DOCK11: variants seen among roughly 807,000 people sequenced by gnomAD.
The protein encoded by DOCK11 is dedicator of cytokinesis 11.
A neutral mutation model predicts 169.1 loss-of-function variants in DOCK11; 70 were observed. That is an observed-to-expected ratio of 0.41 (90% confidence interval 0.34 to 0.51). DOCK11 has a LOEUF of 0.51. Ranked by LOEUF, DOCK11 falls within the 20% of genes least tolerant of loss-of-function variation. The pLI is 0.10. For synonymous variants in DOCK11, 529 were observed against 541.3 expected (o/e 0.98, Z 0.32); for missense variants, 1,166 against 1,538.8 (o/e 0.76, Z 4.05).
chrX:118,504,465 C>T (rs1314486173), intron 1 of DOCK11, among the ~76,000 whole-genome samples: 3 of 111,963 alleles, frequency 2.7e-5, no homozygotes, highest in Non-Finnish European at 5.6e-5. Flanking sequence ...CGTCAAGAAC[C>T]ACCCTTGCTG....
chrX:118,603,312 T>C (rs757681084), intron 23 of DOCK11, among the ~76,000 whole-genome samples: 53 of 112,647 alleles, frequency 4.7e-4, no homozygotes, highest in Non-Finnish European at 6.0e-4. Context: ...AAGCTTATGA[T>C]AGCTCTTTGT....
At chrX:118,662,161 C>G (rs1715577829) in intron 44 of DOCK11, among the ~76,000 whole-genome samples, 1 of 111,441 alleles carries the variant, frequency 9.0e-6, no homozygotes, top group South Asian at 3.7e-4. Context: ...CTTCCAGTGC[C>G]CCATCCTGTT....
intron 44 of DOCK11, among the ~76,000 whole-genome samples, chrX:118,660,761 C>T (rs776040700): frequency 6.3e-5 from 7 of 110,541 alleles, no homozygotes; most frequent in South Asian, 3.9e-4. Flanking sequence ...TGAGCCACCG[C>T]GCCTGGCCCA....
At chrX:118,597,613 G>A (rs1290236468) in intron 21 of DOCK11, 61 bp downstream of exon 21, 2 of 1,179,111 alleles carry the variant, frequency 1.7e-6, no homozygotes, top group Admixed American at 4.4e-5. Context: ...ATAGAATTCT[G>A]TTGGTCTCGA....
intron 52 of DOCK11, 123 bp from the exon 53 acceptor site, chrX:118,685,565 T>C: frequency 1.1e-6 from 1 of 900,497 alleles, no homozygotes; most frequent in South Asian, 2.8e-5. Context: ...TCTCTCTGCT[T>C]TCTGTCTTTT....
intron 37 of DOCK11, 93 bp from the exon 38 acceptor site, chrX:118,639,342 A>G: frequency 1.0e-6 from 1 of 979,409 alleles, no homozygotes; most frequent in African/African-American, 1.9e-5. Flanking sequence ...TACTATGTTT[A>G]TGTGGAAACC....
chrX:118,581,153 A>G (rs1436525329), intron 14 of DOCK11, among the ~76,000 whole-genome samples: 1 of 112,084 alleles, frequency 8.9e-6, no homozygotes, highest in Non-Finnish European at 1.9e-5. Flanking sequence ...TGTGGAAAGG[A>G]CACCATGTTC....
At chrX:118,643,716 C>T in intron 40 of DOCK11, 122 bp downstream of exon 40, 1 of 784,082 alleles carries the variant, frequency 1.3e-6, no homozygotes, top group Non-Finnish European at 1.9e-6. Context: ...TAAGTACTGC[C>T]TTTGTAAATA....
chrX:118,559,720 C>T (rs931255466), intron 6 of DOCK11, among the ~76,000 whole-genome samples: 7 of 109,331 alleles, frequency 6.4e-5, no homozygotes, highest in East Asian at 2.9e-4. Context: ...CTTGTGTCTA[C>T]TAAAAATAAA....
At chrX:118,645,885 TAA>T (rs1255554011) in intron 40 of DOCK11, among the ~76,000 whole-genome samples, 11 of 74,757 alleles carry the variant, frequency 1.5e-4, no homozygotes, top group African/African-American at 1.5e-4. Flanking sequence ...TGTCTCTAGT[TAA>T]AAAAAAAAAA....
chrX:118,574,141 AGAGATTTTTCTG>A (rs1245547156), intron 12 of DOCK11, 123 bp downstream of exon 12: 1 of 764,840 alleles, frequency 1.3e-6, no homozygotes. Context: ...GTCTGTCGAT[AGAGATTTTTCTG>A]GTTACTGAAG....
intron 7 of DOCK11, 149 bp from the exon 8 acceptor site, chrX:118,565,856 G>A (rs1161853389): frequency 1.8e-6 from 1 of 564,968 alleles, no homozygotes; most frequent in Non-Finnish European, 2.9e-6. Context: ...GTCTTAGAGT[G>A]TCTGTTTCTT....
intron 45 of DOCK11, among the ~76,000 whole-genome samples, chrX:118,668,400 GT>G (rs1213919505): frequency 9.5e-6 from 1 of 105,496 alleles, no homozygotes; most frequent in East Asian, 2.9e-4. Flanking sequence ...ATATTACATT[GT>G]TTTTTTTTTC....
chrX:118,647,522 TATAATATA>T lies in DOCK11; in HGVS notation c.4399-1419_4399-1412del, dbSNP rs1159910201. 6.4e-3 allele frequency among the ~76,000 whole-genome samples: 312 copies of T among 48,516 alleles called. 4 individuals are homozygous for T. In the Middle Eastern group the frequency reaches 0.083, roughly 13 times the overall value. 42.1% of individuals were successfully genotyped at this position (48,516 alleles called of 115,157 possible). On this transcript the variant is annotated intron_variant, in intron 40 of 52. Coordinates refer to ENST00000276202, the MANE Select transcript of DOCK11 (RefSeq NM_144658.4). Reference sequence around the variant, plus strand: ...TAATATATTATATAATAATATAATATATAATATAATATTATATATTATATATGTTATTA... The same window carrying T: ...TAATATATTATATAATAATATAATATATATTATATATTATATATGTTATTA...
chrX:118,527,098 C>G (rs1280362733), intron 1 of DOCK11, among the ~76,000 whole-genome samples: 1 of 111,746 alleles, frequency 8.9e-6, no homozygotes, highest in Non-Finnish European at 1.9e-5. Flanking sequence ...TGTGAGATAC[C>G]CAGGGCCTTT....
chrX:118,539,440 G>C (rs764358153), intron 1 of DOCK11, among the ~76,000 whole-genome samples: 168 of 110,991 alleles, frequency 1.5e-3, no homozygotes, highest in South Asian at 2.6e-3. Context: ...GGGGCAAAGT[G>C]GGGGAGATGG....
intron 31 of DOCK11, among the ~76,000 whole-genome samples, chrX:118,619,497 A>T (rs200382358): frequency 0.029 from 2,634 of 90,616 alleles, 118 homozygotes; most frequent in African/African-American, 0.08. Context: ...AAAAAAAAAA[A>T]ATATATATAT....
chrX:118,655,788 A>G, intron 44 of DOCK11, among the ~76,000 whole-genome samples: 1 of 112,326 alleles, frequency 8.9e-6, no homozygotes, highest in South Asian at 3.6e-4. Flanking sequence ...TACTTCCTTT[A>G]AGGCAGTGGA....
In DOCK11 at chrX:118,598,705, A is replaced by G. The variant is rs767251766; in HGVS notation, c.2473-434A>G. The stretch of plus-strand genomic sequence containing the variant: ...CATAGGACAGTTGGACTCCCTTGCC[A>G]GTGAAGTGCCATGGTAAATTTGGGT... On this transcript the variant is annotated intron_variant, in intron 22 of 52. Transcript: ENST00000276202. 3.6e-5 allele frequency among the ~76,000 whole-genome samples: 4 copies of G among 112,387 alleles called. No homozygotes were observed. In the South Asian group the frequency reaches 1.5e-3, roughly 41 times the overall value.
Sources: allele counts gnomAD v4.1 joint callset (sites outside exome capture counted in the v4.1 genomes callset), GRCh38; gene constraint gnomAD v4.1.1; transcripts MANE v1.5; gene names NCBI Gene and HGNC (gene_info 2026-07-23, HGNC 2026-07-21).